Variants in GRXCR2 observed in about 807,000 individuals in gnomAD.
GRXCR2 encodes the protein glutaredoxin domain-containing cysteine-rich protein 2.
Under a neutral mutation model 24.8 loss-of-function variants are expected in GRXCR2, and 23 were observed. The observed-to-expected ratio is 0.93, with a 90% CI of 0.67 to 1.32. The LOEUF is 1.32. GRXCR2 is among the 40% of genes most tolerant of loss of function. GRXCR2 has a pLI of 0.00. For synonymous variants in GRXCR2, 130 were observed against 116.1 expected (o/e 1.12, Z -0.77); for missense variants, 315 against 303.4 (o/e 1.04, Z -0.28).
chr5:145,876,198 T>TATATATATATAC (rs1756612648), upstream of GRXCR2, among the ~76,000 whole-genome samples: 1 of 133,924 alleles, frequency 7.5e-6, no homozygotes, highest in African/African-American at 3.1e-5. Context: ...TGTGTATATA[T>TATATATATATAC]ATATATATAT....
chr5:145,879,901 G>A (rs576058564), intron 2 of GRXCR2, among the ~76,000 whole-genome samples: 7 of 152,178 alleles, frequency 4.6e-5, no homozygotes, highest in South Asian at 2.1e-4. Flanking sequence ...ACTCAAAACC[G>A]CACAACTACA....
In GRXCR2 at chr5:145,859,934, G is replaced by A; in HGVS notation, c.565-19C>T. ...CCCCTTCCTGCAAGAGACAGGTTAG[G>A]GTTTAGTTAAAGCAGCAGTTCAAGT... On this transcript the variant is annotated intron_variant, in intron 2 of 2. Coordinates refer to ENST00000377976, the MANE Select transcript of GRXCR2 (RefSeq NM_001080516.2). 4 of 1,539,530 alleles carry A rather than the reference G, an allele frequency of 2.6e-6. No homozygotes were observed. Among genetic ancestry groups the A allele is most frequent in the Non-Finnish European group, 3.5e-6 (4 of 1,143,278 alleles).
At chr5:145,888,587 T>TA (rs1252615933) in intron 2 of GRXCR2, among the ~76,000 whole-genome samples, 3 of 152,066 alleles carry the variant, frequency 2.0e-5, no homozygotes, top group Admixed American at 6.6e-5. Context: ...AAAATCTACA[T>TA]AAAAATATAA....
rs778659191 is a variant in GRXCR2, at chr5:145,872,977, A to G, written c.-9T>C. 6.2e-6 allele frequency: 10 copies of G among 1,612,696 alleles called. No homozygotes were observed. In the South Asian group the frequency reaches 8.8e-5, roughly 14 times the overall value. ...TTCTCAGGGTCCTCCATCAGCAGAA[A>G]GTTGACCCTGTGGTCTCCAGCCTTC... On this transcript the variant is annotated 5_prime_UTR_variant, in exon 1 of 3. Transcript: ENST00000377976.
intron 2 of GRXCR2, among the ~76,000 whole-genome samples, chr5:145,923,388 A>G (rs1444935493): frequency 2.0e-5 from 3 of 152,230 alleles, no homozygotes; most frequent in African/African-American, 4.8e-5. Flanking sequence ...ATATATTTCT[A>G]AAGTATTTTT....
intron 2 of GRXCR2, among the ~76,000 whole-genome samples, chr5:145,895,166 A>ATT (rs1398662606): frequency 6.6e-6 from 1 of 152,102 alleles, no homozygotes; most frequent in Non-Finnish European, 1.5e-5. Context: ...TGACAAACCC[A>ATT]CAGCCAATAT....
chr5:145,908,954 G>A, intron 2 of GRXCR2, among the ~76,000 whole-genome samples: 1 of 152,168 alleles, frequency 6.6e-6, no homozygotes. Context: ...TAAGGTTGAG[G>A]ACTTTGGAAG....
chr5:145,913,449 T>C (rs1186356637), intron 2 of GRXCR2, among the ~76,000 whole-genome samples: 1 of 152,106 alleles, frequency 6.6e-6, no homozygotes, highest in Non-Finnish European at 1.5e-5. Context: ...GGGAAGTCAA[T>C]TTAGTTTATA....
chr5:145,860,921 C>T (rs1040523920), intron 2 of GRXCR2, among the ~76,000 whole-genome samples: 3 of 152,112 alleles, frequency 2.0e-5, no homozygotes, highest in Non-Finnish European at 4.4e-5. Flanking sequence ...CAGTTCTTGA[C>T]TCCCACTCTT....
chr5:145,886,696 ATAT>A (rs1306014427), intron 2 of GRXCR2, among the ~76,000 whole-genome samples: 2 of 152,130 alleles, frequency 1.3e-5, no homozygotes, highest in Non-Finnish European at 2.9e-5. Context: ...CTCTCCAATA[ATAT>A]TATAATGTAA....
chr5:145,863,717 C>T (rs981316401), intron 2 of GRXCR2, among the ~76,000 whole-genome samples: 7 of 152,118 alleles, frequency 4.6e-5, no homozygotes, highest in Non-Finnish European at 8.8e-5. Flanking sequence ...AGGCTAGTTT[C>T]GAGCTCCTGG....
At chr5:145,927,189 C>G (rs890749039) in intron 2 of GRXCR2, among the ~76,000 whole-genome samples, 14 of 152,178 alleles carry the variant, frequency 9.2e-5, no homozygotes, top group African/African-American at 3.4e-4. Flanking sequence ...GACAATTTGA[C>G]TTCCTCTTTT....
At chr5:145,895,587 C>T (rs1231610188) in intron 2 of GRXCR2, among the ~76,000 whole-genome samples, 1 of 152,090 alleles carries the variant, frequency 6.6e-6, no homozygotes, top group Non-Finnish European at 1.5e-5. Context: ...ATGTGAAGGA[C>T]CTCTTCAAGG....
At position 145,880,037 on chromosome 5, in the gene GRXCR2, T is replaced by C. The variant is rs571642489; in HGVS notation, c.-69-13309A>G. On this transcript the variant is annotated intron_variant, in intron 2 of 3. Coordinates refer to the GRXCR2 transcript ENST00000639411. ...CGTACCAGAATCTCTGGGACACATT[T>C]AAAGCAGTGTGTAGAGGGAAATTTA... is the stretch of plus-strand genomic sequence containing the variant. Among the ~76,000 whole-genome samples the C allele has an allele frequency of 1.4e-4, 21 of 152,272 alleles. No individual in the cohort carries two copies. The East Asian group carries it at 2.7e-3, about 20-fold the overall frequency.
intron 2 of GRXCR2, among the ~76,000 whole-genome samples, chr5:145,905,147 T>G (rs1439996037): frequency 6.6e-6 from 1 of 152,184 alleles, no homozygotes; most frequent in Non-Finnish European, 1.5e-5. Context: ...AAATTACTTT[T>G]TGTACTTACA....
intron 2 of GRXCR2, among the ~76,000 whole-genome samples, chr5:145,889,175 AG>A (rs1260965149): frequency 0.031 from 2,610 of 83,594 alleles, 179 homozygotes; most frequent in African/African-American, 0.11. Context: ...TCTCAAAAAA[AG>A]AAAGAAAGAA....
chr5:145,915,733 C>CAA (rs146457357), intron 2 of GRXCR2, among the ~76,000 whole-genome samples: 13 of 135,204 alleles, frequency 9.6e-5, no homozygotes, highest in African/African-American at 2.7e-4. Context: ...CACTTCATCT[C>CAA]AAAAAAAAAA....
At chr5:145,889,712 T>C (rs1055084384) in intron 2 of GRXCR2, among the ~76,000 whole-genome samples, 3 of 152,152 alleles carry the variant, frequency 2.0e-5, no homozygotes, top group Admixed American at 6.5e-5. Context: ...TTTCTAGCAA[T>C]GGTCCCTACA....
At chr5:145,928,076 T>A (rs1202695800) in intron 2 of GRXCR2, among the ~76,000 whole-genome samples, 1 of 151,478 alleles carries the variant, frequency 6.6e-6, no homozygotes, top group Non-Finnish European at 1.5e-5. Context: ...AACAACCCCA[T>A]CAAAAAGTGG....
Sources: gnomAD v4.1 joint callset for allele counts (sites outside exome capture counted in the v4.1 genomes callset) on GRCh38, gnomAD v4.1.1 for gene constraint, MANE v1.5 for transcripts, NCBI Gene and HGNC (gene_info 2026-07-23, HGNC 2026-07-21) for gene names.